LRP8: variants seen among roughly 807,000 people sequenced by gnomAD.
LRP8 encodes the protein low-density lipoprotein receptor-related protein 8.
Under a neutral mutation model 111.6 loss-of-function variants are expected in LRP8, and 46 were observed. The observed-to-expected ratio is 0.41, with a 90% CI of 0.33 to 0.53. LRP8 has a LOEUF of 0.53. LRP8 is among the 20% of genes least tolerant of loss of function. LRP8 has a pLI of 0.20. For missense variants in LRP8, 959 were observed against 1,297.4 expected, an observed-to-expected ratio of 0.74 and a Z score of 4.01; for synonymous variants, 464 against 511.2, an observed-to-expected ratio of 0.91 and a Z score of 1.24.
chr1:53,326,843 C>A, intron 2 of LRP8, 30 bp downstream of exon 2: 1 of 1,605,778 alleles, frequency 6.2e-7, no homozygotes, highest in Non-Finnish European at 8.5e-7. Flanking sequence ...TTTCTCTCCC[C>A]GGGTCTGAGC....
At chr1:53,319,457 C>T (rs2100543849) in intron 2 of LRP8, among the ~76,000 whole-genome samples, 1 of 152,302 alleles carries the variant, frequency 6.6e-6, no homozygotes, top group African/African-American at 2.4e-5. Flanking sequence ...CCCCACAGCC[C>T]TGGGCTCGCT....
Position 53,266,022 on chromosome 1 carries a change from G to A in LRP8, c.1427+451C>T, listed in dbSNP as rs1296949559. 6.6e-6 allele frequency among the ~76,000 whole-genome samples: 1 copy of A among 152,136 alleles called. No homozygotes were observed. Among genetic ancestry groups the A allele is most frequent in the Non-Finnish European group, 1.5e-5 (1 of 68,018 alleles). On this transcript the variant is annotated intron_variant, in intron 9 of 18. Coordinates refer to ENST00000306052, the MANE Select transcript of LRP8 (RefSeq NM_004631.5). The surrounding 1 kb of genome is among the most constrained non-coding windows in gnomAD (Gnocchi z 5.0). Reference sequence around the variant, plus strand: ...CCAGATCAGATGCCCAGGTGGGTTCGGAGGCCTCCTCTGTACTTTCTCATG... The same window carrying A: ...CCAGATCAGATGCCCAGGTGGGTTCAGAGGCCTCCTCTGTACTTTCTCATG...
chr1:53,320,481 T>C (rs1270959195), intron 2 of LRP8, among the ~76,000 whole-genome samples: 1 of 152,072 alleles, frequency 6.6e-6, no homozygotes, highest in African/African-American at 2.4e-5. Context: ...TAAGCCTGGG[T>C]GCGAGGAGGC....
chr1:53,299,110 T>C (rs1650315071), intron 2 of LRP8, among the ~76,000 whole-genome samples: 1 of 151,804 alleles, frequency 6.6e-6, no homozygotes, highest in Admixed American at 6.6e-5. Context: ...GTGGAGCGAA[T>C]GATTGAGTGA....
intron 2 of LRP8, among the ~76,000 whole-genome samples, chr1:53,320,269 C>T (rs961487735): frequency 6.6e-6 from 1 of 152,180 alleles, no homozygotes; most frequent in African/African-American, 2.4e-5. Context: ...TTCGGTACTG[C>T]AAAAGGCTTG....
chr1:53,311,503 T>A (rs999433896), intron 2 of LRP8, among the ~76,000 whole-genome samples: 7 of 152,032 alleles, frequency 4.6e-5, no homozygotes, highest in Admixed American at 3.9e-4. Flanking sequence ...CTCTTGGCAC[T>A]AGCTCTCTCC....
In LRP8 at chr1:53,249,077, G is replaced by A. The variant is rs938562555; in HGVS notation, c.2853+303C>T. Among the ~76,000 whole-genome samples the A allele has an allele frequency of 6.6e-5, 10 of 152,130 alleles. No homozygotes were observed. Among genetic ancestry groups the A allele is most frequent in the Non-Finnish European group, 1.5e-4 (10 of 68,016 alleles). On this transcript the variant is annotated intron_variant, in intron 18 of 18. Transcript: ENST00000306052. This position sits in a 1 kb window ranked among gnomAD's most constrained non-coding sequence, Gnocchi z 4.1. ...AAGCAACTATTTTTTTGGACTGGCC[G>A]AGGTTAAGGATCCTCAAGGCCATCT...
intron 2 of LRP8, among the ~76,000 whole-genome samples, chr1:53,312,631 T>C (rs916684381): frequency 2.0e-5 from 3 of 152,002 alleles, no homozygotes; most frequent in Non-Finnish European, 4.4e-5. Context: ...AATTCTGGGA[T>C]TATAGGTGTG....
intron 2 of LRP8, among the ~76,000 whole-genome samples, chr1:53,322,738 A>G (rs1410604309): frequency 1.3e-5 from 2 of 152,184 alleles, no homozygotes; most frequent in Non-Finnish European, 2.9e-5. Flanking sequence ...GAAGGAGATG[A>G]GGCTGGGTCC....
chr1:53,258,273 G>C, intron 14 of LRP8, 46 bp downstream of exon 14: 2 of 1,580,202 alleles, frequency 1.3e-6, no homozygotes, highest in Non-Finnish European at 1.7e-6. Context: ...CAGCAGGGTA[G>C]GGTCTGACAC....
chr1:53,274,597 G>C (rs958506684), intron 6 of LRP8: 1 of 431,206 alleles, frequency 2.3e-6, no homozygotes, highest in East Asian at 7.1e-5. Context: ...GGTCAGAGCA[G>C]AAAGTGTCAG....
Position 53,272,060 on chromosome 1 carries a change from GC to G in LRP8, c.1007-715del, listed in dbSNP as rs375810120. ...AGAAGGAACCTGAACAACACAGGAT[GC>G]CCCCCCTAATGTGCTTGTGGTTATT... On this transcript the variant is annotated intron_variant, in intron 6 of 18. Coordinates refer to ENST00000306052, the MANE Select transcript of LRP8 (RefSeq NM_004631.5). 9.5e-3 allele frequency among the ~76,000 whole-genome samples: 1,445 copies of G among 151,926 alleles called. 11 individuals are homozygous for G. Among genetic ancestry groups the G allele is most frequent in the South Asian group, 0.037 (176 of 4,794 alleles).
Position 53,244,869 on chromosome 1 carries a change from T to C in LRP8, c.*2149A>G, listed in dbSNP as rs1645695729. 1 of 152,362 alleles carries C rather than the reference T, an allele frequency of 6.6e-6. No homozygotes were observed. The highest frequency in any genetic ancestry group is 1.9e-4 in the East Asian group (1 of 5,192). 9.4% of individuals were successfully genotyped at this position (152,362 alleles called of 1,614,324 possible). A position where few individuals can be genotyped will look rare whatever the true frequency, so the allele number is the denominator to read the frequency against. ...TCTTCAGTCAAAAATAATTTTACTT[T>C]CCGTTCTTAAAAGAATAGTAATATG... On this transcript the variant is annotated 3_prime_UTR_variant, in exon 19 of 19. Coordinates refer to ENST00000306052, the MANE Select transcript of LRP8 (RefSeq NM_004631.5).
chr1:53,267,550 G>A (rs1646618600), intron 8 of LRP8: 2 of 152,328 alleles, frequency 1.3e-5, no homozygotes. Context: ...GCAGGGGCCA[G>A]ATCACAAAAG....
At chr1:53,276,578 C>A in intron 5 of LRP8, 114 bp downstream of exon 5, 1 of 819,888 alleles carries the variant, frequency 1.2e-6, no homozygotes, top group Non-Finnish European at 1.7e-6. Context: ...CTGTAGTAAA[C>A]CCGGGTAATG....
chr1:53,291,053 G>A (rs950556976), intron 2 of LRP8, among the ~76,000 whole-genome samples: 4 of 152,184 alleles, frequency 2.6e-5, no homozygotes, highest in East Asian at 1.9e-4. Flanking sequence ...CAGGGAGTCC[G>A]GAGGTCTGGA....
In LRP8 at chr1:53,257,453, T is replaced by G. The variant is rs779636087; in HGVS notation, c.2221A>C (p.Thr741Pro). 6.2e-7 allele frequency: 1 copy of G among 1,613,966 alleles called. No individual in the cohort carries two copies. The highest frequency in any genetic ancestry group is 1.7e-5 in the Admixed American group (1 of 60,018). The change falls in exon 15 of 19, where the codon ACC becomes CCC. Residue 741 changes from threonine to proline, a missense_variant. Physicochemically the swap from Thr to Pro is conservative, Grantham distance 38. Coordinates refer to ENST00000306052, the MANE Select transcript of LRP8 (RefSeq NM_004631.5). ...MKRCYRAPQS[T>P]STTTLASTMT... ...GTAGAAGCTAACGTCGTAGTTGAGG[T>G]AGATTGAGGTGCTGGAGGGGAAATA... is the stretch of plus-strand genomic sequence containing the variant.
chr1:53,260,559 G>A lies in LRP8; in HGVS notation c.1961C>T (p.Ala654Val). 1 of 1,614,210 alleles carries A rather than the reference G, an allele frequency of 6.2e-7. No homozygotes were observed. Among genetic ancestry groups the A allele is most frequent in the Non-Finnish European group, 8.5e-7 (1 of 1,180,026 alleles). ...GATTTCCAGGCCATTGAGCCGATTT[G>A]CACTGAAAATGGCCTCGTTCTCCAG... Reference protein sequence around the residue: ...TDLENEAIFSANRLNGLEISI... With the variant: ...TDLENEAIFSVNRLNGLEISI... The change falls in exon 13 of 19, where the codon GCA becomes GTA. Residue 654 changes from alanine to valine, a missense_variant. By Grantham distance (64) the Ala-to-Val change is moderately conservative. Coordinates refer to ENST00000306052, the MANE Select transcript of LRP8 (RefSeq NM_004631.5).
chr1:53,276,967 T>G lies in LRP8; in HGVS notation c.608A>C (p.Asp203Ala). The part of the protein sequence containing the change: ...GDGSDERGCA[D>A]PACGPREFRC... ...GAACTCGCGGGGCCCGCAGGCCGGG[T>G]CTGCACAGCCGCGCTCATCGCTGCC... The change falls in exon 5 of 19, where the codon GAC becomes GCC. Residue 203 changes from aspartate (D) to alanine (A), a missense_variant. Transcript: ENST00000306052. The G allele has an allele frequency of 6.7e-7, 1 of 1,496,258 alleles. No individual in the cohort carries two copies. Among genetic ancestry groups the G allele is most frequent in the Non-Finnish European group, 8.9e-7 (1 of 1,126,386 alleles). 92.7% of individuals were successfully genotyped at this position (1,496,258 alleles called of 1,614,324 possible).
Sources: gnomAD v4.1 joint callset for allele counts (sites outside exome capture counted in the v4.1 genomes callset) on GRCh38, gnomAD v4.1.1 for gene constraint, Gnocchi (gnomAD v3.1) non-coding constraint, MANE v1.5 for transcripts, NCBI Gene and HGNC (gene_info 2026-07-23, HGNC 2026-07-21) for gene names.